DISC1: variants seen among roughly 807,000 people sequenced by gnomAD.
DISC1 encodes the protein disrupted in schizophrenia 1 protein.
A neutral mutation model predicts 84.5 loss-of-function variants in DISC1; 57 were observed. The observed-to-expected ratio is 0.67, with a 90% confidence interval of 0.55 to 0.84. DISC1 has a LOEUF of 0.84. Among genes scored for constraint, DISC1 ranks in the 40% least tolerant of loss-of-function variants. The probability of loss-of-function intolerance (pLI) is 0.00; values close to 1 mark genes in which losing one functional copy is unlikely to be tolerated. For missense variants in DISC1, 1,000 were observed against 1,057.8 expected (o/e 0.95, Z 0.76); for synonymous variants, 411 against 415.2 (o/e 0.99, Z 0.12).
intron 9 of DISC1, among the ~76,000 whole-genome samples, chr1:231,851,496 G>T (rs1278690783): frequency 1.3e-5 from 2 of 152,204 alleles, no homozygotes; most frequent in Non-Finnish European, 2.9e-5. Context: ...CCAGGCTCAG[G>T]CCTACATTCA....
At chr1:231,836,890 A>T (rs1194191995) in intron 9 of DISC1, among the ~76,000 whole-genome samples, 1 of 139,218 alleles carries the variant, frequency 7.2e-6, no homozygotes, top group Non-Finnish European at 1.6e-5. Flanking sequence ...TCCTCCTTGG[A>T]CCCATATTTG....
At chr1:231,776,458 GGTT>G (rs1420641200) in intron 6 of DISC1, among the ~76,000 whole-genome samples, 33 of 152,360 alleles carry the variant, frequency 2.2e-4, no homozygotes, top group Non-Finnish European at 4.1e-4. Flanking sequence ...CTCAACCCCT[GGTT>G]ACAGGAGGGC....
rs1187206494 is a variant in DISC1 at position 231,694,445 on chromosome 1, C to T, written c.687C>T (p.Cys229=). 6.2e-7 allele frequency: 1 copy of T among 1,614,272 alleles called. No homozygotes were observed. The change falls in exon 2 of 13, where the codon TGC becomes TGT. Residue 229 remains cysteine (C), a synonymous_variant. Coordinates refer to ENST00000439617, the MANE Select transcript of DISC1 (RefSeq NM_018662.3). ...GGGAACGTGGAGAAGCAGAAGGCTG[C>T]CCACCATCCAGAGAGGCTGAGTCCC... ...SAGERGEAEG[C]PPSREAESHC... is the part of the protein sequence containing the mutation.
rs532444153 is a variant in DISC1, at chr1:231,755,544, CTTATTTTTACTTAAT to C, written c.1268+5472_1268+5486del. Among the ~76,000 whole-genome samples, 17 of 152,272 alleles carry C rather than the reference CTTATTTTTACTTAAT, an allele frequency of 1.1e-4. No individual in the cohort carries two copies. In the East Asian group the frequency reaches 3.3e-3, roughly 29 times the overall value. The stretch of plus-strand genomic sequence containing the variant: ...ATTCAGTTTTCTATTGAGCATCTCC[CTTATTTTTACTTAAT>C]TTAGTATCTTTTTATCCTTAACATT... On this transcript the variant is annotated intron_variant, in intron 4 of 12. Coordinates refer to ENST00000439617, the MANE Select transcript of DISC1 (RefSeq NM_018662.3).
At chr1:231,997,036 T>C (rs1388372050) in intron 10 of DISC1, among the ~76,000 whole-genome samples, 2 of 152,270 alleles carry the variant, frequency 1.3e-5, no homozygotes, top group East Asian at 3.9e-4. Context: ...AATAAGCAGG[T>C]ATCTTAAAAA....
chr1:231,633,239 A>G (rs146274968), intron 1 of DISC1, among the ~76,000 whole-genome samples: 1 of 152,372 alleles, frequency 6.6e-6, no homozygotes, highest in East Asian at 1.9e-4. Flanking sequence ...ACAGCCACAC[A>G]TTAGAAAGGT....
chr1:231,842,644 T>C (rs995577475), intron 9 of DISC1, among the ~76,000 whole-genome samples: 1 of 151,960 alleles, frequency 6.6e-6, no homozygotes, highest in Non-Finnish European at 1.5e-5. Context: ...CTGGATGGAG[T>C]GTGAGCTGTG....
chr1:231,644,436 AGGAG>A (rs1193764052), intron 1 of DISC1, among the ~76,000 whole-genome samples: 2 of 152,212 alleles, frequency 1.3e-5, no homozygotes, highest in African/African-American at 4.8e-5. Context: ...TTCTGTTAAT[AGGAG>A]GCACTGGTGG....
chr1:231,992,730 T>C (rs928775246), intron 10 of DISC1, among the ~76,000 whole-genome samples: 2 of 152,170 alleles, frequency 1.3e-5, no homozygotes, highest in African/African-American at 2.4e-5. Flanking sequence ...GGATCACTTA[T>C]AAAAAAGGAT....
At chr1:231,992,870 G>T (rs986954615) in intron 10 of DISC1, among the ~76,000 whole-genome samples, 17 of 152,176 alleles carry the variant, frequency 1.1e-4, no homozygotes, top group African/African-American at 4.1e-4. Flanking sequence ...AGTTCTTATA[G>T]TGGATGACAT....
intron 1 of DISC1, among the ~76,000 whole-genome samples, chr1:231,668,945 C>G (rs2062294559): frequency 1.3e-5 from 2 of 152,186 alleles, no homozygotes; most frequent in Admixed American, 1.3e-4. Flanking sequence ...TCCTTTCAGC[C>G]TTCCCTTCTT....
At chr1:231,746,859 C>T (rs1351505967) in intron 3 of DISC1, among the ~76,000 whole-genome samples, 6 of 152,044 alleles carry the variant, frequency 3.9e-5, no homozygotes, top group African/African-American at 1.4e-4. Flanking sequence ...ATAGTAATCC[C>T]CTGTTGGATG....
intron 9 of DISC1, among the ~76,000 whole-genome samples, chr1:231,900,631 G>C (rs201436380): frequency 1.1e-3 from 174 of 152,246 alleles, no homozygotes; most frequent in Non-Finnish European, 2.0e-3. Flanking sequence ...AGAATCAATG[G>C]CTTGTTTCAG....
intron 9 of DISC1, among the ~76,000 whole-genome samples, chr1:231,957,835 A>G (rs1416888282): frequency 6.6e-6 from 1 of 152,216 alleles, no homozygotes; most frequent in Non-Finnish European, 1.5e-5. Context: ...CCTTACACAT[A>G]CACGTTGACT....
chr1:231,959,110 G>A, intron 10 of DISC1: 1 of 1,273,674 alleles, frequency 7.9e-7, no homozygotes, highest in Non-Finnish European at 9.9e-7. Flanking sequence ...AAAGTGTCTT[G>A]GAGAGATCAC....
In DISC1 at chr1:231,678,598, G is replaced by A. The variant is rs368179620; in HGVS notation, c.68-15228G>A. ...AAGTTACACTTGGGCAAGTCAAAGAGGGGTAGAGATAGGCTTAAGGCCAGT... is the reference window on the plus strand; with the variant it reads ...AAGTTACACTTGGGCAAGTCAAAGAAGGGTAGAGATAGGCTTAAGGCCAGT... On this transcript the variant is annotated intron_variant, in intron 1 of 12. Transcript: ENST00000439617. 2.0e-5 allele frequency among the ~76,000 whole-genome samples: 3 copies of A among 152,326 alleles called. No individual in the cohort carries two copies. The South Asian group carries it at 6.2e-4, about 32-fold the overall frequency.
intron 1 of DISC1, among the ~76,000 whole-genome samples, chr1:231,676,860 C>T (rs532461706): frequency 6.6e-6 from 1 of 152,186 alleles, no homozygotes; most frequent in African/African-American, 2.4e-5. Context: ...TTAAAGACCC[C>T]TTTTAAAAAA....
intron 8 of DISC1, among the ~76,000 whole-genome samples, chr1:231,817,833 A>C (rs1427624209): frequency 6.6e-6 from 1 of 152,106 alleles, no homozygotes; most frequent in Non-Finnish European, 1.5e-5. Flanking sequence ...GTGTTATTGC[A>C]ATTATATTTT....
chr1:232,024,771 T>G (rs1359833467), intron 11 of DISC1, among the ~76,000 whole-genome samples: 1 of 147,360 alleles, frequency 6.8e-6, no homozygotes, highest in African/African-American at 2.6e-5. Flanking sequence ...TTTTGTATTT[T>G]TTTAGAGAGG....
Sources: allele counts gnomAD v4.1 joint callset (sites outside exome capture counted in the v4.1 genomes callset), GRCh38; gene constraint gnomAD v4.1.1; transcripts MANE v1.5; gene names NCBI Gene and HGNC (gene_info 2026-07-23, HGNC 2026-07-21).